RABL3: variants seen among roughly 807,000 people sequenced by gnomAD.
The protein encoded by RABL3 is RAB, member of RAS oncogene family like 3, also known as rab-like protein 3.
RABL3 carries 31 observed loss-of-function variants against 31.8 expected under a neutral mutation model. The ratio of observed to expected loss-of-function variants is 0.97; its 90% CI spans 0.73 to 1.31. The LOEUF is 1.31. Among genes scored for constraint, RABL3 ranks in the 40% most tolerant of loss-of-function variants. The pLI is 0.00. For synonymous variants in RABL3, 97 were observed against 99.9 expected (o/e 0.97, Z 0.18); for missense variants, 263 against 279.6 (o/e 0.94, Z 0.42).
chr3:120,722,752 G>A (rs1318859722), intron 2 of RABL3: 1 of 152,098 alleles, frequency 6.6e-6, no homozygotes, highest in South Asian at 2.1e-4. Flanking sequence ...AAACCAACGA[G>A]AACAAAGACA....
At chr3:120,721,604 G>C (rs1364580197) in intron 2 of RABL3, among the ~76,000 whole-genome samples, 1 of 152,100 alleles carries the variant, frequency 6.6e-6, no homozygotes, top group Non-Finnish European at 1.5e-5. Flanking sequence ...ATGGTAAAGG[G>C]ATCAATTCAA....
intron 2 of RABL3, among the ~76,000 whole-genome samples, chr3:120,712,959 T>C (rs73181940): frequency 0.03 from 4,594 of 152,148 alleles, 98 homozygotes; most frequent in Non-Finnish European, 0.051. Flanking sequence ...CTCAAGAGTC[T>C]GTATTTTTTT....
Position 120,736,265 on chromosome 3 carries a change from T to C in RABL3, c.47-5478A>G, listed in dbSNP as rs536085003. On this transcript the variant is annotated intron_variant, in intron 1 of 7. Transcript: ENST00000273375. ...CATATATGTTTAGGATAGTTAGCTG[T>C]TCTTGTTGAATTGATCCCTTTACCA... is the stretch of plus-strand genomic sequence containing the variant. 6.6e-4 allele frequency among the ~76,000 whole-genome samples: 101 copies of C among 152,358 alleles called. 1 individual carries two copies. The highest frequency in any genetic ancestry group is 2.4e-3 in the African/African-American group (100 of 41,586).
intron 2 of RABL3, among the ~76,000 whole-genome samples, chr3:120,730,296 G>T (rs1217449871): frequency 6.6e-6 from 1 of 152,128 alleles, no homozygotes; most frequent in Non-Finnish European, 1.5e-5. Context: ...TGGAACAAAT[G>T]ACCCAGACAT....
chr3:120,719,227 G>A (rs933632517), intron 2 of RABL3, among the ~76,000 whole-genome samples: 2 of 152,178 alleles, frequency 1.3e-5, no homozygotes, highest in South Asian at 4.1e-4. Flanking sequence ...GGTGGAGCCA[G>A]GATGGCCGAA....
rs142326982 is a variant in RABL3, at chr3:120,735,995, T to C, written c.47-5208A>G. Among the ~76,000 whole-genome samples the C allele has an allele frequency of 3.8e-3, 578 of 152,304 alleles. 4 individuals carry two copies. Among genetic ancestry groups the C allele is most frequent in the South Asian group, 6.2e-3 (30 of 4,826 alleles). ...GGTCAGTTTTGCAATAAGTGTGATG[T>C]GGTGCTGAGAAGAATGTATATTCTG... is the stretch of plus-strand genomic sequence containing the variant. On this transcript the variant is annotated intron_variant, in intron 1 of 7. Transcript: ENST00000273375.
intron 2 of RABL3, among the ~76,000 whole-genome samples, chr3:120,715,932 G>A (rs939373335): frequency 1.3e-5 from 2 of 152,170 alleles, no homozygotes; most frequent in East Asian, 3.8e-4. Context: ...AACAGTACCT[G>A]CCTCATAGGG....
At chr3:120,690,934 A>G (rs1708373013) in intron 6 of RABL3, among the ~76,000 whole-genome samples, 1 of 152,152 alleles carries the variant, frequency 6.6e-6, no homozygotes, top group Non-Finnish European at 1.5e-5. Context: ...CCACATCCCT[A>G]TAGTAAGTGG....
intron 2 of RABL3, 148 bp from the exon 3 acceptor site, chr3:120,710,057 A>G: frequency 1.7e-6 from 1 of 576,912 alleles, no homozygotes; most frequent in South Asian, 2.5e-5. Context: ...TAATACTTTA[A>G]TAATTTTTAC....
chr3:120,717,500 G>A (rs901226806), intron 2 of RABL3, among the ~76,000 whole-genome samples: 29 of 152,074 alleles, frequency 1.9e-4, no homozygotes, highest in Non-Finnish European at 2.6e-4. Flanking sequence ...ACAGAGTCTC[G>A]CTCTGTTGCC....
intron 6 of RABL3, among the ~76,000 whole-genome samples, chr3:120,692,855 G>A (rs530353298): frequency 6.6e-6 from 1 of 152,218 alleles, no homozygotes; most frequent in South Asian, 2.1e-4. Flanking sequence ...ACAACATACT[G>A]TGGGATCTTT....
At chr3:120,705,932 G>GT in intron 4 of RABL3, 68 bp downstream of exon 4, 1 of 916,100 alleles carries the variant, frequency 1.1e-6, no homozygotes, top group Non-Finnish European at 1.8e-6. Flanking sequence ...ATTTTACAAA[G>GT]TGTTATTCAG....
rs922809985 is a variant in RABL3 at position 120,686,289 on chromosome 3, T to C, written c.*3534A>G. ...TTAGACCTTTAAACTTCTTAAAATA[T>C]GATGTCACCTGTGCTTTAAAAAATT... On this transcript the variant is annotated 3_prime_UTR_variant, in exon 8 of 8. Coordinates refer to ENST00000273375, the MANE Select transcript of RABL3 (RefSeq NM_173825.5). Among the ~76,000 whole-genome samples the C allele has an allele frequency of 6.6e-6, 1 of 152,158 alleles. No individual in the cohort carries two copies.
intron 2 of RABL3, among the ~76,000 whole-genome samples, chr3:120,729,609 T>G (rs951809085): frequency 1.3e-5 from 2 of 152,124 alleles, no homozygotes; most frequent in Admixed American, 6.5e-5. Context: ...AATTTTTACA[T>G]TTTAAAAAGA....
intron 3 of RABL3, among the ~76,000 whole-genome samples, chr3:120,707,890 A>G (rs1708569056): frequency 6.6e-6 from 1 of 152,074 alleles, no homozygotes; most frequent in Non-Finnish European, 1.5e-5. Flanking sequence ...TGCTAGAAGA[A>G]TCAAGGTGGG....
In RABL3 at chr3:120,742,489, C is replaced by A; in HGVS notation, c.19G>T (p.Val7Leu). The change falls in exon 1 of 8, where the codon GTG becomes TTG. Residue 7 changes from valine (V) to leucine (L), a missense_variant. Physicochemically the swap from Val to Leu is conservative, Grantham distance 32 (BLOSUM62 1). Transcript: ENST00000273375. ...GAGTCTCCCAACACCAGTACCTTCA[C>A]CCGATCCAGGGACGCCATCTTGCCA... Reference protein sequence around the residue: MASLDRVKVLVLGDSGV... With the variant: MASLDRLKVLVLGDSGV... The A allele has an allele frequency of 1.2e-6, 2 of 1,614,180 alleles. No homozygotes were observed. The highest frequency in any genetic ancestry group is 8.5e-7 in the Non-Finnish European group (1 of 1,180,026).
chr3:120,694,218 T>C lies in RABL3; in HGVS notation c.541A>G (p.Thr181Ala), dbSNP rs1169854173. ...FNPEEINLDC[T>A]NPRYLAAGSS... ...CCTGCAGCTAAGTACCGTGGATTTG[T>C]GCAGTCCTAGAAGATAAAACATAAG... The change falls in exon 6 of 8, where the codon ACA becomes GCA. Residue 181 changes from threonine to alanine, a missense_variant. Coordinates refer to ENST00000273375, the MANE Select transcript of RABL3 (RefSeq NM_173825.5). 1 of 1,609,138 alleles carries C rather than the reference T, an allele frequency of 6.2e-7. No individual in the cohort carries two copies. The highest frequency in any genetic ancestry group is 8.5e-7 in the Non-Finnish European group (1 of 1,176,204).
At chr3:120,692,225 G>C (rs1184555984) in intron 6 of RABL3, among the ~76,000 whole-genome samples, 1 of 151,926 alleles carries the variant, frequency 6.6e-6, no homozygotes, top group Non-Finnish European at 1.5e-5. Flanking sequence ...TTCAGATGGA[G>C]TCCTGCTCTG....
At chr3:120,693,106 C>A (rs189414454) in intron 6 of RABL3, among the ~76,000 whole-genome samples, 4 of 152,036 alleles carry the variant, frequency 2.6e-5, no homozygotes, top group Admixed American at 6.6e-5. Flanking sequence ...CCAACCCCCC[C>A]ACCCTGAGGA....
Sources: allele counts gnomAD v4.1 joint callset (sites outside exome capture counted in the v4.1 genomes callset), GRCh38; gene constraint gnomAD v4.1.1; transcripts MANE v1.5; gene names NCBI Gene and HGNC (gene_info 2026-07-23, HGNC 2026-07-21).